Variants in GMDS observed in about 807,000 individuals in gnomAD.
The protein encoded by GMDS is GDP-mannose 4,6-dehydratase.
A neutral mutation model predicts 49.9 loss-of-function variants in GMDS; 20 were observed. That is an observed-to-expected ratio of 0.40 (90% CI 0.28 to 0.58). The LOEUF (loss-of-function observed/expected upper bound fraction) is 0.58, where lower values mean the gene tolerates loss of function less well. Among genes scored for constraint, GMDS ranks in the 20% least tolerant of loss-of-function variants. GMDS has a pLI of 0.42. For missense variants in GMDS, 362 were observed against 481.4 expected (o/e 0.75, Z 2.32); for synonymous variants, 177 against 178.6 (o/e 0.99, Z 0.07).
chr6:2,104,078 C>G (rs1774082093), intron 4 of GMDS, among the ~76,000 whole-genome samples: 2 of 152,212 alleles, frequency 1.3e-5, no homozygotes, highest in African/African-American at 4.8e-5. Flanking sequence ...AGGCCAAACT[C>G]CACAGTGCCC....
chr6:1,674,558 CTCTT>C (rs1389007465), intron 9 of GMDS, among the ~76,000 whole-genome samples: 286 of 71,288 alleles, frequency 4.0e-3, no homozygotes, highest in South Asian at 0.014. Context: ...CTCTCTCTCT[CTCTT>C]TTTTTTTTTT....
intron 1 of GMDS, among the ~76,000 whole-genome samples, chr6:2,186,222 T>C (rs1294891536): frequency 2.0e-5 from 3 of 152,224 alleles, no homozygotes; most frequent in African/African-American, 7.2e-5. Flanking sequence ...CCACAGCCTA[T>C]GCGGACCGCT....
intron 7 of GMDS, among the ~76,000 whole-genome samples, chr6:1,911,881 G>A (rs962690924): frequency 2.6e-5 from 4 of 152,038 alleles, no homozygotes; most frequent in Admixed American, 2.6e-4. Flanking sequence ...GAGGGACCAC[G>A]AACTACTCTG....
chr6:2,192,970 A>T (rs758109054), intron 1 of GMDS, among the ~76,000 whole-genome samples: 12 of 152,236 alleles, frequency 7.9e-5, no homozygotes, highest in Non-Finnish European at 1.6e-4. Context: ...CTATTTCCAG[A>T]AAGTGGCAGA....
chr6:2,074,851 C>T (rs926253632), intron 4 of GMDS, among the ~76,000 whole-genome samples: 18 of 152,060 alleles, frequency 1.2e-4, no homozygotes, highest in Non-Finnish European at 2.9e-5. Context: ...CAGTTTCATT[C>T]TTCTGCATGT....
At chr6:1,677,479 A>G (rs1581446114) in intron 9 of GMDS, among the ~76,000 whole-genome samples, 10 of 152,208 alleles carry the variant, frequency 6.6e-5, no homozygotes, top group Admixed American at 5.9e-4. Flanking sequence ...TCATGCTGCT[A>G]TAAAGACACA....
intron 1 of GMDS, among the ~76,000 whole-genome samples, chr6:2,219,766 T>C (rs941829138): frequency 2.6e-5 from 4 of 152,170 alleles, no homozygotes; most frequent in Non-Finnish European, 4.4e-5. Flanking sequence ...TTCAGTATCA[T>C]GAATATTGCT....
chr6:1,674,111 C>T (rs1031549312), intron 9 of GMDS, among the ~76,000 whole-genome samples: 1 of 151,016 alleles, frequency 6.6e-6, no homozygotes, highest in Non-Finnish European at 1.5e-5. Context: ...AACATTCGTG[C>T]AAAGTGTCTA....
rs144908041 is a variant in GMDS, at chr6:2,100,828, G to A, written c.345+14943C>T. ...AAACGTCCCCGAAAAGTGAAGGCAC[G>A]CATTAAATCTTGGCACTCTTTTTAT... On this transcript the variant is annotated intron_variant, in intron 4 of 10. Transcript: ENST00000380815. Among the ~76,000 whole-genome samples the A allele has an allele frequency of 3.7e-3, 556 of 152,080 alleles. 4 individuals carry two copies. Among genetic ancestry groups the A allele is most frequent in the African/African-American group, 0.013 (521 of 41,520 alleles).
At chr6:2,092,578 T>G (rs1773380496) in intron 4 of GMDS, among the ~76,000 whole-genome samples, 2 of 152,220 alleles carry the variant, frequency 1.3e-5, no homozygotes. Flanking sequence ...TGTTTGGAAA[T>G]GTAGATAATA....
intron 1 of GMDS, among the ~76,000 whole-genome samples, chr6:2,150,089 A>C (rs1347055818): frequency 6.6e-6 from 1 of 152,028 alleles, no homozygotes; most frequent in Admixed American, 6.6e-5. Flanking sequence ...GTATTTTATT[A>C]TTTCCTTGAA....
At chr6:2,157,653 G>T (rs9328083) in intron 1 of GMDS, among the ~76,000 whole-genome samples, 2 of 152,158 alleles carry the variant, frequency 1.3e-5, no homozygotes, top group Admixed American at 1.3e-4. Flanking sequence ...AAAGAAATTA[G>T]GGCTTCAGTA....
At chr6:1,814,939 G>T (rs1457268520) in intron 7 of GMDS, among the ~76,000 whole-genome samples, 2 of 152,170 alleles carry the variant, frequency 1.3e-5, no homozygotes, top group African/African-American at 2.4e-5. Flanking sequence ...GGAAAGAAAG[G>T]TGTCTATTTC....
chr6:2,138,254 T>C (rs1776108831), intron 1 of GMDS, among the ~76,000 whole-genome samples: 1 of 152,236 alleles, frequency 6.6e-6, no homozygotes, highest in Admixed American at 6.5e-5. Context: ...ATTGAAATGT[T>C]TCAAATTTCA....
intron 9 of GMDS, among the ~76,000 whole-genome samples, chr6:1,688,838 T>C (rs1765073797): frequency 6.6e-6 from 1 of 152,212 alleles, no homozygotes; most frequent in South Asian, 2.1e-4. Context: ...TGTGAGTTTA[T>C]TTTATTTTTT....
rs1161017457 is a variant in GMDS at position 1,859,450 on chromosome 6, C to A, written c.771+70653G>T. On this transcript the variant is annotated intron_variant, in intron 7 of 10. Coordinates refer to ENST00000380815, the MANE Select transcript of GMDS (RefSeq NM_001500.4). Reference sequence around the variant, plus strand: ...CATTCAATTTGGCATAAAACTGCAACATTTCAGCTGTAATGGCCACCAAAC... The same window carrying A: ...CATTCAATTTGGCATAAAACTGCAAAATTTCAGCTGTAATGGCCACCAAAC... Among the ~76,000 whole-genome samples, 45 of 152,194 alleles carry A rather than the reference C, an allele frequency of 3.0e-4. 1 individual carries two copies. Among genetic ancestry groups the A allele is most frequent in the Admixed American group, 2.9e-3 (44 of 15,292 alleles).
chr6:1,964,084 C>T (rs1012809736), intron 4 of GMDS, among the ~76,000 whole-genome samples: 1 of 152,212 alleles, frequency 6.6e-6, no homozygotes, highest in Non-Finnish European at 1.5e-5. Flanking sequence ...GAAACACATA[C>T]GCACACACAG....
intron 4 of GMDS, among the ~76,000 whole-genome samples, chr6:1,968,583 T>A (rs932687548): frequency 1.3e-5 from 2 of 152,044 alleles, no homozygotes; most frequent in African/African-American, 4.8e-5. Flanking sequence ...ATGGACTAGC[T>A]CTCTTCCTCA....
intron 7 of GMDS, among the ~76,000 whole-genome samples, chr6:1,911,945 T>C (rs1761081122): frequency 6.6e-6 from 1 of 152,138 alleles, no homozygotes; most frequent in Non-Finnish European, 1.5e-5. Context: ...TTTTTTTCAA[T>C]GTCTCTAAAC....
Sources: gnomAD v4.1 joint callset for allele counts (sites outside exome capture counted in the v4.1 genomes callset) on GRCh38, gnomAD v4.1.1 for gene constraint, MANE v1.5 for transcripts, NCBI Gene and HGNC (gene_info 2026-07-23, HGNC 2026-07-21) for gene names.